The following MRTO4 variants were observed in gnomAD, a reference collection of about 807,000 sequenced individuals.
MRTO4 encodes the protein mRNA turnover protein 4 homolog.
MRTO4 carries 7 observed loss-of-function variants against 28.6 expected under a neutral mutation model. The ratio of observed to expected loss-of-function variants is 0.24; its 90% confidence interval spans 0.14 to 0.46. The LOEUF (loss-of-function observed/expected upper bound fraction) is 0.46. MRTO4 is among the 20% of genes least tolerant of loss of function. The pLI is 0.99. For missense variants in MRTO4, 302 were observed against 298.3 expected, an observed-to-expected ratio of 1.01 and a Z score of -0.09; for synonymous variants, 113 against 108.2, an observed-to-expected ratio of 1.04 and a Z score of -0.27.
chr1:19,254,068 C>G (rs2093667890), intron 1 of MRTO4, among the ~76,000 whole-genome samples: 1 of 152,170 alleles, frequency 6.6e-6, no homozygotes, highest in Admixed American at 6.5e-5. Flanking sequence ...GTGGCCTCTG[C>G]ATCATGGTCA....
At chr1:19,256,089 G>C in intron 3 of MRTO4, 38 bp downstream of exon 3, 3 of 1,580,242 alleles carry the variant, frequency 1.9e-6, no homozygotes, top group Non-Finnish European at 2.6e-6. Flanking sequence ...TCTGAGTGGG[G>C]ACCCGGCCAG....
rs752935934 is a variant in MRTO4 at position 19,255,931 on chromosome 1, C to T, written c.88-17C>T. 3.7e-6 allele frequency: 6 copies of T among 1,609,794 alleles called. No individual in the cohort carries two copies. The highest frequency in any genetic ancestry group is 2.2e-5 in the East Asian group (1 of 44,792). ...ATGCTGCTGCTTGAACTCAGAGCCT[C>T]GTGAATTGTCCCACAGCTTCGGAAA... is the stretch of plus-strand genomic sequence containing the variant. On this transcript the variant is annotated splice_polypyrimidine_tract_variant and intron_variant, in intron 2 of 7. Transcript: ENST00000330263.
intron 1 of MRTO4, 154 bp downstream of exon 1, chr1:19,252,017 C>T (rs1462315161): frequency 4.3e-6 from 5 of 1,149,514 alleles, no homozygotes; most frequent in African/African-American, 1.6e-5. Flanking sequence ...ATGGGGGCTT[C>T]GGGGCTGTAA....
At position 19,257,372 on chromosome 1, in the gene MRTO4, A is replaced by G. The variant is rs924364069; in HGVS notation, c.274-82A>G. ...CCAAAAACGTCTTTAAATGTTGCCA[A>G]ATGTACCCGGTGAGCAAAAACGTGC... On this transcript the variant is annotated intron_variant, in intron 4 of 7. Coordinates refer to ENST00000330263, the MANE Select transcript of MRTO4 (RefSeq NM_016183.4). 5 of 1,516,772 alleles carry G rather than the reference A, an allele frequency of 3.3e-6. No individual in the cohort carries two copies. The East Asian group carries it at 6.8e-5, about 21-fold the overall frequency. The allele number at this position is 1,516,772 out of a possible 1,614,324, so 94.0% of individuals were successfully genotyped here.
intron 3 of MRTO4, among the ~76,000 whole-genome samples, chr1:19,256,382 G>A (rs1022378498): frequency 3.3e-5 from 5 of 152,176 alleles, no homozygotes; most frequent in African/African-American, 7.2e-5. Flanking sequence ...CGGGCATGGT[G>A]GCAGGCACCT....
At chr1:19,256,135 C>A in intron 3 of MRTO4, 84 bp downstream of exon 3, 3 of 1,184,354 alleles carry the variant, frequency 2.5e-6, no homozygotes, top group Non-Finnish European at 3.7e-6. Context: ...CAATTTCTGA[C>A]CCTTTAGGTG....
chr1:19,259,032 G>GT lies in MRTO4; in HGVS notation c.*203dup, dbSNP rs2093676174. Reference sequence around the variant, plus strand: ...AATCCCAGCACTTTGGGAAGCCGAGGTGGGCAGATCATAAGGTCGGGAGAT... The same window carrying GT: ...AATCCCAGCACTTTGGGAAGCCGAGGTTGGGCAGATCATAAGGTCGGGAGAT... On this transcript the variant is annotated 3_prime_UTR_variant, in exon 8 of 8. Transcript: ENST00000330263. 3.4e-6 allele frequency: 2 copies of GT among 595,430 alleles called. No homozygotes were observed. Among genetic ancestry groups the GT allele is most frequent in the Admixed American group, 6.3e-5 (2 of 31,824 alleles). 36.9% of individuals were successfully genotyped at this position (595,430 alleles called of 1,614,324 possible). A position where few individuals can be genotyped will look rare whatever the true frequency, so the allele number is the denominator to read the frequency against.
At chr1:19,252,809 C>T (rs1201161716) in intron 1 of MRTO4, among the ~76,000 whole-genome samples, 1 of 142,180 alleles carries the variant, frequency 7.0e-6, no homozygotes, top group Non-Finnish European at 1.5e-5. Flanking sequence ...CGCCACCACA[C>T]CCAGCTAGGT....
Position 19,251,858 on chromosome 1 carries a change from A to G in MRTO4, c.23A>G (p.Lys8Arg). Residue 8 changes from lysine (K) to arginine (R), a missense_variant, in exon 1 of 8, where the codon AAG (lysine) becomes AGG (arginine). Coordinates refer to ENST00000330263, the MANE Select transcript of MRTO4 (RefSeq NM_016183.4). ...GCGATGCCCAAATCCAAGCGCGACAAGAAAGGTGGGCGAAGGGGGAGTCGG... is the reference window on the plus strand; with the variant it reads ...GCGATGCCCAAATCCAAGCGCGACAGGAAAGGTGGGCGAAGGGGGAGTCGG... MPKSKRDKKVSLTKTAKK... is the reference protein window; with the variant it reads MPKSKRDRKVSLTKTAKK... 1.3e-6 allele frequency: 2 copies of G among 1,591,906 alleles called. No individual in the cohort carries two copies. The highest frequency in any genetic ancestry group is 1.7e-6 in the Non-Finnish European group (2 of 1,169,802).
intron 3 of MRTO4, among the ~76,000 whole-genome samples, chr1:19,256,413 G>A (rs112946021): frequency 1.3e-3 from 200 of 152,320 alleles, no homozygotes; most frequent in African/African-American, 4.6e-3. Flanking sequence ...CTACTCAGGA[G>A]GCTGAAGCAG....
At chr1:19,257,222 C>A in intron 4 of MRTO4, 77 bp downstream of exon 4, 1 of 1,495,814 alleles carries the variant, frequency 6.7e-7, no homozygotes, top group Non-Finnish European at 9.2e-7. Context: ...GACAGCCTCC[C>A]CCAGCCATTG....
intron 1 of MRTO4, chr1:19,252,183 C>T (rs2093662438): frequency 7.1e-6 from 3 of 420,790 alleles, no homozygotes; most frequent in East Asian, 4.3e-5. Context: ...CTTTTCCCAA[C>T]TTCGGCCCTT....
intron 3 of MRTO4, among the ~76,000 whole-genome samples, chr1:19,256,624 G>A (rs1417114817): frequency 6.6e-6 from 1 of 152,186 alleles, no homozygotes; most frequent in African/African-American, 2.4e-5. Context: ...CCTGGACTGT[G>A]GGCCATTTAG....
intron 1 of MRTO4, 74 bp downstream of exon 1, chr1:19,251,937 G>C: frequency 3.3e-6 from 5 of 1,530,106 alleles, no homozygotes; most frequent in Non-Finnish European, 3.5e-6. Context: ...GAGGGCTTCG[G>C]GGCGGCGGGG....
chr1:19,252,138 C>T, intron 1 of MRTO4: 1 of 502,824 alleles, frequency 2.0e-6, no homozygotes, highest in Non-Finnish European at 3.5e-6. Context: ...CTCCTGAACA[C>T]CGCCCCCGGC....
At position 19,251,858 on chromosome 1, in the gene MRTO4, A is replaced by T; in HGVS notation, c.23A>T (p.Lys8Met). The change falls in exon 1 of 8, where the codon AAG becomes ATG. Residue 8 changes from lysine (K) to methionine (M), a missense_variant. By Grantham distance (95) the Lys-to-Met change is moderately conservative. Transcript: ENST00000330263. ...GCGATGCCCAAATCCAAGCGCGACA[A>T]GAAAGGTGGGCGAAGGGGGAGTCGG... Reference protein sequence around the residue: MPKSKRDKKVSLTKTAKK... With the variant: MPKSKRDMKVSLTKTAKK... 2 of 1,591,906 alleles carry T rather than the reference A, an allele frequency of 1.3e-6. No homozygotes were observed. The highest frequency in any genetic ancestry group is 8.5e-7 in the Non-Finnish European group (1 of 1,169,802).
chr1:19,257,996 C>T lies in MRTO4; in HGVS notation c.493+12C>T, dbSNP rs1306162955. 1.9e-6 allele frequency: 3 copies of T among 1,612,476 alleles called. No individual in the cohort carries two copies. Among genetic ancestry groups the T allele is most frequent in the African/African-American group, 1.3e-5 (1 of 74,830 alleles). On this transcript the variant is annotated intron_variant, in intron 6 of 7. Transcript: ENST00000330263. ...CGCCCTCAAGAGAGGTATGGGCAGCCCTGGAGCCAAAAGGTCACAGCCTAG... is the reference window on the plus strand; with the variant it reads ...CGCCCTCAAGAGAGGTATGGGCAGCTCTGGAGCCAAAAGGTCACAGCCTAG...
intron 2 of MRTO4, among the ~76,000 whole-genome samples, chr1:19,255,564 T>C (rs2093670297): frequency 6.6e-6 from 1 of 152,224 alleles, no homozygotes; most frequent in African/African-American, 2.4e-5. Context: ...ATGGTGGCTT[T>C]GGCCAGCACC....
intron 1 of MRTO4, 92 bp from the exon 2 acceptor site, chr1:19,254,690 C>A: frequency 1.9e-6 from 2 of 1,053,178 alleles, no homozygotes; most frequent in Non-Finnish European, 3.0e-6. Context: ...CTGCATCCAG[C>A]TGAGTGCTCT....
Sources: gnomAD v4.1 joint callset for allele counts (sites outside exome capture counted in the v4.1 genomes callset) on GRCh38, gnomAD v4.1.1 for gene constraint, MANE v1.5 for transcripts, NCBI Gene and HGNC (gene_info 2026-07-23, HGNC 2026-07-21) for gene names.